TTC6: variants seen among roughly 807,000 people sequenced by gnomAD.
TTC6 encodes the protein tetratricopeptide repeat protein 6.
TTC6 carries 172 observed loss-of-function variants against 210.4 expected under a neutral mutation model. The ratio of observed to expected loss-of-function variants is 0.82; its 90% CI spans 0.72 to 0.93. The LOEUF (loss-of-function observed/expected upper bound fraction) is 0.93. TTC6 is among the 40% of genes least tolerant of loss of function. The probability of loss-of-function intolerance (pLI) is 0.00; values close to 1 mark genes in which losing one functional copy is unlikely to be tolerated. For synonymous variants in TTC6, 804 were observed against 819.6 expected (o/e 0.98, Z 0.32); for missense variants, 2,414 against 2,318.1 (o/e 1.04, Z -0.85).
chr14:37,804,801 G>A (rs1008493694), exon 21 of TTC6: 8 of 1,613,692 alleles, frequency 5.0e-6, no homozygotes, highest in Middle Eastern at 3.3e-4. Flanking sequence ...ATGGAGGAAG[G>A]CAATTTACAA....
chr14:37,700,951 C>G (rs1595124013), intron 4 of TTC6, among the ~76,000 whole-genome samples: 1 of 151,928 alleles, frequency 6.6e-6, no homozygotes, highest in South Asian at 2.1e-4. Context: ...TAGCATTTGA[C>G]CAGAGTAGCA....
At chr14:37,600,751 G>A (rs573799313) in intron 1 of TTC6, among the ~76,000 whole-genome samples, 2 of 152,310 alleles carry the variant, frequency 1.3e-5, no homozygotes, top group East Asian at 3.9e-4. Flanking sequence ...TTACTGGCAT[G>A]CCTAGAGGGA....
At chr14:37,823,680 A>C in intron 26 of TTC6, 67 bp from the exon 29 acceptor site, 1 of 1,399,946 alleles carries the variant, frequency 7.1e-7, no homozygotes, top group Non-Finnish European at 9.9e-7. Context: ...GTTATAGGAA[A>C]ACATTGTATA....
rs184154496 is a variant in TTC6 at position 37,605,955 on chromosome 14, G to A, written c.-234-708G>A. ...TTTTTATCCTGCCTTAAGAACCCCC[G>A]AGGTCATGCCCCAATGCCAGACTTC... On this transcript the variant is annotated intron_variant, in intron 1 of 2. Coordinates refer to the TTC6 transcript ENST00000556845. 3.0e-4 allele frequency among the ~76,000 whole-genome samples: 46 copies of A among 150,876 alleles called. No individual in the cohort carries two copies. In the East Asian group the frequency reaches 8.6e-3, roughly 28 times the overall value.
chr14:37,603,128 CAGA>C (rs2095618868), intron 1 of TTC6, among the ~76,000 whole-genome samples: 1 of 152,170 alleles, frequency 6.6e-6, no homozygotes, highest in South Asian at 2.1e-4. Context: ...GCGAAGACTG[CAGA>C]AGCTGTGTGG....
exon 15 of TTC6, chr14:37,787,544 T>C (rs1205196588): frequency 6.5e-7 from 1 of 1,532,040 alleles, no homozygotes; most frequent in African/African-American, 1.4e-5. Flanking sequence ...TGCAATTCAC[T>C]TAGATCCTAA....
At chr14:37,622,963 T>C in exon 1 of TTC6, 9 of 1,512,110 alleles carry the variant, frequency 6.0e-6, no homozygotes, top group Non-Finnish European at 7.9e-6. Flanking sequence ...AAAGAGCTCA[T>C]ACGGAGCGTC....
chr14:37,743,932 T>C (rs186878719), intron 10 of TTC6, among the ~76,000 whole-genome samples: 1 of 152,288 alleles, frequency 6.6e-6, no homozygotes, highest in Non-Finnish European at 1.5e-5. Context: ...GTGATACAAC[T>C]GAACTCCCAG....
Position 37,615,394 on chromosome 14 carries a change from A to T in TTC6, c.-154-6656A>T, listed in dbSNP as rs180889244. ...GCTGCTGGAGTGCAGTGGAGCAATC[A>T]TTCTCCTTTTTCCTTGGGATACTAA... On this transcript the variant is annotated intron_variant, in intron 2 of 2. Coordinates refer to the TTC6 transcript ENST00000556845. Among the ~76,000 whole-genome samples, 358 of 152,154 alleles carry T rather than the reference A, an allele frequency of 2.4e-3. 2 individuals are homozygous for T. Among genetic ancestry groups the T allele is most frequent in the African/African-American group, 8.0e-3 (333 of 41,538 alleles).
At chr14:37,725,310 G>GTGTGTA (rs1555391391) in intron 7 of TTC6, among the ~76,000 whole-genome samples, 4 of 55,732 alleles carry the variant, frequency 7.2e-5, no homozygotes, top group Non-Finnish European at 1.1e-4. Context: ...GTGTGTGTGT[G>GTGTGTA]TGTATATATA....
intron 21 of TTC6, among the ~76,000 whole-genome samples, chr14:37,805,540 C>T (rs561962727): frequency 6.6e-6 from 1 of 152,014 alleles, no homozygotes; most frequent in South Asian, 2.1e-4. Context: ...AAGAGGTGCA[C>T]TTGATTAGTT....
At chr14:37,606,320 T>G (rs2139232921) in intron 1 of TTC6, among the ~76,000 whole-genome samples, 1 of 152,312 alleles carries the variant, frequency 6.6e-6, no homozygotes, top group African/African-American at 2.4e-5. Flanking sequence ...GCCACGTTAC[T>G]TAGTCTTCCT....
chr14:37,804,020 TTCTA>T (rs1325090858), intron 20 of TTC6, among the ~76,000 whole-genome samples: 1 of 152,220 alleles, frequency 6.6e-6, no homozygotes, highest in Non-Finnish European at 1.5e-5. Context: ...TAAATGGCAT[TTCTA>T]TCTTTTTCAT....
At chr14:37,739,022 G>C in exon 10 of TTC6, 1 of 1,535,540 alleles carries the variant, frequency 6.5e-7, no homozygotes, top group Non-Finnish European at 8.7e-7. Context: ...TCTCATTGAA[G>C]CGTCTAAAAA....
chr14:37,791,599 C>A (rs1334809895), intron 16 of TTC6, among the ~76,000 whole-genome samples: 1 of 151,584 alleles, frequency 6.6e-6, no homozygotes, highest in Non-Finnish European at 1.5e-5. Context: ...CATTTTTGAG[C>A]CAGAAAGAAA....
At chr14:37,698,575 C>T (rs546851385) in intron 4 of TTC6, among the ~76,000 whole-genome samples, 1 of 152,210 alleles carries the variant, frequency 6.6e-6, no homozygotes, top group Non-Finnish European at 1.5e-5. Flanking sequence ...CCCTTTCACT[C>T]CTCCAGTTAG....
intron 26 of TTC6, among the ~76,000 whole-genome samples, chr14:37,820,955 TTCTCCTCCTCCTCC>T (rs2096154790): frequency 7.1e-6 from 1 of 141,564 alleles, no homozygotes; most frequent in Non-Finnish European, 1.5e-5. Flanking sequence ...CTCCTCCTCC[TTCTCCTCCTCCTCC>T]TCTTCTTCCT....
exon 18 of TTC6, chr14:37,795,285 A>G (rs2096089966): frequency 6.5e-7 from 1 of 1,531,902 alleles, no homozygotes; most frequent in Non-Finnish European, 8.7e-7. Flanking sequence ...TAAATTGAAA[A>G]AGGCAGTAAA....
chr14:37,671,435 A>G (rs1337738319), intron 1 of TTC6, among the ~76,000 whole-genome samples: 1 of 152,158 alleles, frequency 6.6e-6, no homozygotes, highest in Non-Finnish European at 1.5e-5. Flanking sequence ...GACAATAGCT[A>G]CTAGAGCCTT....
Sources: allele counts gnomAD v4.1 joint callset (sites outside exome capture counted in the v4.1 genomes callset), GRCh38; gene constraint gnomAD v4.1.1; transcripts MANE v1.5; gene names NCBI Gene and HGNC (gene_info 2026-07-23, HGNC 2026-07-21).